SAMD5: variants seen among roughly 807,000 people sequenced by gnomAD.
The protein encoded by SAMD5 is sterile alpha motif domain containing 5, also known as sterile alpha motif domain-containing protein 5.
A neutral mutation model predicts 11.3 loss-of-function variants in SAMD5; 13 were observed. The ratio of observed to expected loss-of-function variants is 1.15; its 90% CI spans 0.75 to 1.83. The LOEUF (loss-of-function observed/expected upper bound fraction) is 1.83, where lower values mean the gene tolerates loss of function less well. Ranked by LOEUF, SAMD5 falls within the 40% of genes most tolerant of loss-of-function variation. The pLI is 0.00. For synonymous variants in SAMD5, 129 were observed against 111.3 expected (o/e 1.16, Z -1.00); for missense variants, 255 against 239.1 (o/e 1.07, Z -0.44).
chr6:147,923,790 C>G, the SAMD5 span, among the ~76,000 whole-genome samples: 4 of 152,244 alleles, frequency 2.6e-5, no homozygotes, highest in African/African-American at 9.6e-5. Flanking sequence ...ACACCTGGGC[C>G]CCTGATGGGA....
intron 1 of SAMD5, among the ~76,000 whole-genome samples, chr6:147,647,847 G>A (rs377674264): frequency 6.6e-6 from 1 of 152,272 alleles, no homozygotes; most frequent in South Asian, 2.1e-4. Context: ...TGAAAATGTA[G>A]CCTTTGAGCT....
chr6:147,707,219 C>CA (rs1791336147), intron 1 of SAMD5, among the ~76,000 whole-genome samples: 1 of 152,158 alleles, frequency 6.6e-6, no homozygotes, highest in South Asian at 2.1e-4. Context: ...AGAAGCTTAG[C>CA]AAGATGTCTC....
chr6:147,685,852 A>T (rs1409342763), intron 1 of SAMD5, among the ~76,000 whole-genome samples: 1 of 152,238 alleles, frequency 6.6e-6, no homozygotes, highest in Non-Finnish European at 1.5e-5. Flanking sequence ...ACACACAGTG[A>T]CTAATCAATG....
intron 1 of SAMD5, among the ~76,000 whole-genome samples, chr6:147,556,279 A>G (rs919313098): frequency 6.6e-6 from 1 of 152,100 alleles, no homozygotes; most frequent in African/African-American, 2.4e-5. Context: ...TCTTTAGTAG[A>G]GACGGGGTTT....
the SAMD5 span, among the ~76,000 whole-genome samples, chr6:147,894,199 C>T: frequency 2.7e-5 from 4 of 150,010 alleles, no homozygotes; most frequent in African/African-American, 9.8e-5. Context: ...TCTCCGCTTA[C>T]TGCAACCTCC....
At chr6:147,537,944 T>C (rs1297910750) in intron 1 of SAMD5, among the ~76,000 whole-genome samples, 2 of 152,148 alleles carry the variant, frequency 1.3e-5, no homozygotes, top group African/African-American at 4.8e-5. Flanking sequence ...AAAATCGTCT[T>C]TGAAAGAGAA....
the SAMD5 span, among the ~76,000 whole-genome samples, chr6:147,831,037 G>A: frequency 6.6e-6 from 1 of 152,236 alleles, no homozygotes; most frequent in African/African-American, 2.4e-5. Flanking sequence ...CACGTAAGAG[G>A]AACAGAGGTT....
intron 1 of SAMD5, among the ~76,000 whole-genome samples, chr6:147,639,926 G>A (rs1027096096): frequency 6.6e-6 from 1 of 152,040 alleles, no homozygotes; most frequent in Non-Finnish European, 1.5e-5. Context: ...ACTGTAAAGG[G>A]AAAGAATATT....
chr6:147,544,331 T>G (rs1788651970), intron 1 of SAMD5, among the ~76,000 whole-genome samples: 1 of 152,216 alleles, frequency 6.6e-6, no homozygotes, highest in African/African-American at 2.4e-5. Flanking sequence ...TTTATATAAA[T>G]TTATATGTGT....
chr6:147,773,124 T>C, the SAMD5 span, among the ~76,000 whole-genome samples: 1 of 152,204 alleles, frequency 6.6e-6, no homozygotes, highest in Non-Finnish European at 1.5e-5. Context: ...TCCCCTCCTA[T>C]GAATTTTCAA....
At chr6:147,729,904 G>C (rs1446473082) in intron 1 of SAMD5, 3 of 443,808 alleles carry the variant, frequency 6.8e-6, no homozygotes, top group East Asian at 1.4e-4. Context: ...GGCCAACATG[G>C]TGAAACCCTG....
Position 147,565,929 on chromosome 6 carries a change from A to C in SAMD5, c.*1473A>C. ...CTGCATTACGGAATCTACTACTTAG[A>C]AGAATGTACAAGATGTAAGTTCCCA... is the stretch of plus-strand genomic sequence containing the variant. On this transcript the variant is annotated 3_prime_UTR_variant, in exon 2 of 2. Coordinates refer to ENST00000367474, the MANE Select transcript of SAMD5 (RefSeq NM_001030060.3). 4 of 985,364 alleles carry C rather than the reference A, an allele frequency of 4.1e-6. No homozygotes were observed. The highest frequency in any genetic ancestry group is 4.8e-6 in the Non-Finnish European group (4 of 829,870). The allele number at this position is 985,364 out of a possible 1,614,324, so 61.0% of individuals were successfully genotyped here.
At chr6:147,680,575 G>C (rs1259872354) in intron 1 of SAMD5, among the ~76,000 whole-genome samples, 2 of 152,054 alleles carry the variant, frequency 1.3e-5, no homozygotes, top group Non-Finnish European at 2.9e-5. Flanking sequence ...AGCAGATGTG[G>C]TTGCTTTGTA....
chr6:147,714,494 T>C (rs972749605), intron 1 of SAMD5, among the ~76,000 whole-genome samples: 9 of 152,150 alleles, frequency 5.9e-5, no homozygotes, highest in African/African-American at 1.9e-4. Context: ...GACTTATATA[T>C]TGAGGTCCTT....
chr6:147,612,964 C>A (rs1374590265), intron 1 of SAMD5, among the ~76,000 whole-genome samples: 1 of 151,946 alleles, frequency 6.6e-6, no homozygotes, highest in African/African-American at 2.4e-5. Context: ...TTTGGGAGGC[C>A]TAGGCGGGTA....
chr6:147,551,812 TTATA>T (rs10691979), intron 1 of SAMD5, among the ~76,000 whole-genome samples: 5,436 of 99,376 alleles, frequency 0.055, 395 homozygotes, highest in African/African-American at 0.18. Context: ...TATATATATG[TTATA>T]TATATATATA....
At chr6:147,908,884 C>A in the SAMD5 span, among the ~76,000 whole-genome samples, 3 of 152,142 alleles carry the variant, frequency 2.0e-5, no homozygotes, top group Non-Finnish European at 2.9e-5. Flanking sequence ...ATACCAGATG[C>A]AGGCTAAGCC....
At chr6:147,547,630 G>A (rs1788706830) in intron 1 of SAMD5, among the ~76,000 whole-genome samples, 2 of 152,304 alleles carry the variant, frequency 1.3e-5, no homozygotes, top group South Asian at 4.1e-4. Flanking sequence ...AGGGCTCAAG[G>A]TATTAGATTA....
chr6:147,624,915 T>C (rs535969488), intron 1 of SAMD5, among the ~76,000 whole-genome samples: 1 of 151,262 alleles, frequency 6.6e-6, no homozygotes, highest in Non-Finnish European at 1.5e-5. Flanking sequence ...TAAAACATGG[T>C]TAGATTATGG....
Sources: allele counts gnomAD v4.1 joint callset (sites outside exome capture counted in the v4.1 genomes callset), GRCh38; gene constraint gnomAD v4.1.1; transcripts MANE v1.5; gene names NCBI Gene and HGNC (gene_info 2026-07-23, HGNC 2026-07-21).